The following ZNF529 variants were observed in gnomAD, a reference collection of about 807,000 sequenced individuals.
The protein encoded by ZNF529 is zinc finger protein 529.
In ZNF529, 11 loss-of-function variants were observed where a neutral mutation model predicts 10.1. The observed-to-expected ratio is 1.09, with a 90% CI of 0.69 to 1.81. ZNF529 has a LOEUF of 1.81. ZNF529 is among the 40% of genes most tolerant of loss of function. ZNF529 has a pLI of 0.00. For synonymous variants in ZNF529, 204 were observed against 215.7 expected (o/e 0.95, Z 0.47); for missense variants, 624 against 666.8 (o/e 0.94, Z 0.71).
At chr19:36,595,100 A>G (rs1284129938) in intron 1 of ZNF529, among the ~76,000 whole-genome samples, 1 of 151,962 alleles carries the variant, frequency 6.6e-6, no homozygotes, top group Non-Finnish European at 1.5e-5. Flanking sequence ...GATGGTCTCG[A>G]ACTCCTGATT....
intron 2 of ZNF529, among the ~76,000 whole-genome samples, chr19:36,578,554 C>T (rs1467780202): frequency 5.3e-5 from 8 of 151,676 alleles, no homozygotes; most frequent in African/African-American, 1.7e-4. Flanking sequence ...ATCCCCCCGC[C>T]TCAGCCTCCA....
chr19:36,566,729 A>T (rs1035118965), intron 2 of ZNF529, among the ~76,000 whole-genome samples: 8 of 151,288 alleles, frequency 5.3e-5, no homozygotes, highest in South Asian at 2.1e-4. Context: ...AAAAAATAAT[A>T]AAAAAAAGGG....
At chr19:36,580,211 CCTT>C (rs1417332977) in intron 2 of ZNF529, 2 of 151,904 alleles carry the variant, frequency 1.3e-5, no homozygotes, top group Non-Finnish European at 2.9e-5. Flanking sequence ...GAAAACAATG[CCTT>C]CTTCTGGATA....
chr19:36,548,050 G>A lies in ZNF529; in HGVS notation c.508C>T (p.Pro170Ser), dbSNP rs747893987. The change falls in exon 5 of 5, where the codon CCC becomes TCC. Residue 170 changes from proline to serine, a missense_variant. Physicochemically the swap from Pro to Ser is moderately conservative, Grantham distance 74. Coordinates refer to ENST00000591340, the MANE Select transcript of ZNF529 (RefSeq NM_020951.5). ...TTCTCATATTCCTTGTATTCATAGGGCTTCTCACTGTCATGAGTTCTCCGA... is the reference window on the plus strand; with the variant it reads ...TTCTCATATTCCTTGTATTCATAGGACTTCTCACTGTCATGAGTTCTCCGA... ...LPRRTHDSEKPYEYKEYEKVF... is the reference protein window; with the variant it reads ...LPRRTHDSEKSYEYKEYEKVF... 26 of 1,613,666 alleles carry A rather than the reference G, an allele frequency of 1.6e-5. No individual in the cohort carries two copies. In the Middle Eastern group the frequency reaches 8.2e-4, roughly 51 times the overall value.
intron 2 of ZNF529, among the ~76,000 whole-genome samples, chr19:36,570,360 CAAAAAAA>C (rs58429405): frequency 2.8e-5 from 2 of 70,586 alleles, no homozygotes; most frequent in East Asian, 3.8e-4. Context: ...GACCCTATCT[CAAAAAAA>C]AAAAAAAAAA....
chr19:36,597,605 A>G (rs1212765082), intron 1 of ZNF529, among the ~76,000 whole-genome samples: 1 of 152,186 alleles, frequency 6.6e-6, no homozygotes, highest in African/African-American at 2.4e-5. Flanking sequence ...GAGAGGATTA[A>G]TACTTATGTG....
At chr19:36,581,271 TTAAA>T (rs1462416451) in intron 2 of ZNF529, 2 of 152,038 alleles carry the variant, frequency 1.3e-5, no homozygotes, top group African/African-American at 4.8e-5. Flanking sequence ...TACATGGAAA[TTAAA>T]TAACACACTT....
chr19:36,546,340 G>C lies in ZNF529; in HGVS notation c.*526C>G, dbSNP rs1229959748. The C allele has an allele frequency of 6.6e-6, 1 of 151,842 alleles. No individual in the cohort carries two copies. Among genetic ancestry groups the C allele is most frequent in the Non-Finnish European group, 1.5e-5 (1 of 68,090 alleles). 9.4% of individuals were successfully genotyped at this position (151,842 alleles called of 1,614,324 possible). A position where few individuals can be genotyped will look rare whatever the true frequency, so the allele number is the denominator to read the frequency against. ...TATCAAAATAAAGTAGAAATTTAAAGAGAAGTCAACAATTGGATGAAAATG... is the reference window on the plus strand; with the variant it reads ...TATCAAAATAAAGTAGAAATTTAAACAGAAGTCAACAATTGGATGAAAATG... On this transcript the variant is annotated 3_prime_UTR_variant, in exon 5 of 5. Transcript: ENST00000591340.
chr19:36,602,816 G>C (rs1266385380), intron 1 of ZNF529, among the ~76,000 whole-genome samples: 5 of 151,776 alleles, frequency 3.3e-5, no homozygotes, highest in Non-Finnish European at 7.4e-5. Flanking sequence ...TGTAATCCCA[G>C]CTACTCGGGA....
chr19:36,587,929 C>T (rs576252647), intron 2 of ZNF529, among the ~76,000 whole-genome samples: 1 of 152,218 alleles, frequency 6.6e-6, no homozygotes, highest in South Asian at 2.1e-4. Flanking sequence ...TGTGGTGATG[C>T]TTGAGCCCAG....
rs541238233 is a variant in ZNF529, at chr19:36,544,616, G to T, written c.*2250C>A. On this transcript the variant is annotated 3_prime_UTR_variant, in exon 5 of 5. Transcript: ENST00000591340. ...TTGTTACATAAATAGAATTTAGTTA[G>T]AAATAGAGCTACTACTCTATTTCAA... 14 of 152,236 alleles carry T rather than the reference G, an allele frequency of 9.2e-5. No individual in the cohort carries two copies. The highest frequency in any genetic ancestry group is 3.4e-4 in the African/African-American group (14 of 41,548). 9.4% of individuals were successfully genotyped at this position (152,236 alleles called of 1,614,324 possible).
chr19:36,563,548 C>T (rs1204598049), intron 2 of ZNF529, among the ~76,000 whole-genome samples: 1 of 152,044 alleles, frequency 6.6e-6, no homozygotes, highest in Non-Finnish European at 1.5e-5. Context: ...TTACAATTGC[C>T]ACTAAAAGAA....
chr19:36,579,282 C>T (rs1485167957), intron 2 of ZNF529, among the ~76,000 whole-genome samples: 2 of 151,802 alleles, frequency 1.3e-5, no homozygotes, highest in Non-Finnish European at 2.9e-5. Context: ...AAAAGATACA[C>T]ATTAAGTATA....
intron 2 of ZNF529, among the ~76,000 whole-genome samples, chr19:36,587,004 C>G (rs1386601550): frequency 2.0e-5 from 3 of 152,140 alleles, no homozygotes; most frequent in Non-Finnish European, 4.4e-5. Context: ...GTGGCTCACG[C>G]CGGTAATCCC....
intron 2 of ZNF529, among the ~76,000 whole-genome samples, chr19:36,572,114 T>C (rs948531190): frequency 3.3e-5 from 5 of 150,152 alleles, no homozygotes; most frequent in Non-Finnish European, 7.4e-5. Flanking sequence ...TAACTTCTCC[T>C]CCAGGAGTTG....
chr19:36,576,958 CTTTT>C (rs759716467), upstream of ZNF529, among the ~76,000 whole-genome samples: 4 of 136,014 alleles, frequency 2.9e-5, no homozygotes, highest in Non-Finnish European at 3.2e-5. Flanking sequence ...TTTCTTTTTT[CTTTT>C]TTTTTTTTTT....
At chr19:36,571,595 A>G (rs2036111394) in intron 2 of ZNF529, among the ~76,000 whole-genome samples, 2 of 151,880 alleles carry the variant, frequency 1.3e-5, no homozygotes, top group Admixed American at 1.3e-4. Context: ...GACTCACTTG[A>G]ACCTGGGAGG....
chr19:36,602,656 C>G (rs921018133), intron 1 of ZNF529, among the ~76,000 whole-genome samples: 8 of 152,010 alleles, frequency 5.3e-5, no homozygotes. Context: ...TGGCCGGGCA[C>G]GGTGGCTCAC....
intron 2 of ZNF529, among the ~76,000 whole-genome samples, chr19:36,556,940 A>G (rs1435028791): frequency 1.3e-5 from 2 of 152,208 alleles, no homozygotes; most frequent in African/African-American, 2.4e-5. Flanking sequence ...GGCAATTGAG[A>G]GGAGGTTGAT....
Sources: gnomAD v4.1 joint callset for allele counts (sites outside exome capture counted in the v4.1 genomes callset) on GRCh38, gnomAD v4.1.1 for gene constraint, MANE v1.5 for transcripts, NCBI Gene and HGNC (gene_info 2026-07-23, HGNC 2026-07-21) for gene names.